PIEZO2: variants seen among roughly 807,000 people sequenced by gnomAD.
PIEZO2 encodes piezo-type mechanosensitive ion channel component 2.
A neutral mutation model predicts 337.3 loss-of-function variants in PIEZO2; 172 were observed. The observed-to-expected ratio is 0.51, with a 90% confidence interval of 0.45 to 0.58. PIEZO2 has a LOEUF of 0.58. Among genes scored for constraint, PIEZO2 ranks in the 20% least tolerant of loss-of-function variants. PIEZO2 has a pLI of 0.00. For synonymous variants in PIEZO2, 1,251 were observed against 1,228.5 expected (o/e 1.02, Z -0.38); for missense variants, 3,028 against 3,391.3 (o/e 0.89, Z 2.66).
At chr18:11,091,240 C>CGTGCA (rs773303989) in intron 1 of PIEZO2, among the ~76,000 whole-genome samples, 23 of 151,572 alleles carry the variant, frequency 1.5e-4, no homozygotes, top group Non-Finnish European at 2.4e-4. Flanking sequence ...AAAAATTAGC[C>CGTGCA]GTGCATGGTG....
At position 10,872,165 on chromosome 18, in the gene PIEZO2, A is replaced by G. The variant is rs977458236; in HGVS notation, c.330-750T>C. ...AATAATGTTCGTGAAAGTTCTTTGT[A>G]AAGAATGAAACACATATTTTCACTA... On this transcript the variant is annotated intron_variant, in intron 4 of 55. Coordinates refer to ENST00000674853, the MANE Select transcript of PIEZO2 (RefSeq NM_001378183.1). The surrounding 1 kb of genome is among the most constrained non-coding windows in gnomAD (Gnocchi z 4.3). 6.6e-6 allele frequency among the ~76,000 whole-genome samples: 1 copy of G among 152,264 alleles called. No individual in the cohort carries two copies. Among genetic ancestry groups the G allele is most frequent in the African/African-American group, 2.4e-5 (1 of 41,472 alleles).
In PIEZO2 at chr18:10,773,467, C is replaced by T; in HGVS notation, c.2730G>A (p.Glu910=). Residue 910 remains glutamate (E), a synonymous_variant, in exon 20 of 56, where the codon GAG becomes GAA. Transcript: ENST00000674853. This position sits in a 1 kb window ranked among gnomAD's most constrained non-coding sequence, Gnocchi z 5.3. ...QKGDLGKDSE[E]SEEDGEEEEE... is the part of the protein sequence containing the mutation. ...CCTCTTCCTCTCCGTCCTCCTCTGA[C>T]TCCTCGCTGTCTTTCCCAAGATCAC... 6.5e-7 allele frequency: 1 copy of T among 1,537,466 alleles called. No individual in the cohort carries two copies. The highest frequency in any genetic ancestry group is 8.7e-7 in the Non-Finnish European group (1 of 1,146,978).
chr18:10,990,165 T>C (rs936043435), intron 2 of PIEZO2, among the ~76,000 whole-genome samples: 1 of 152,130 alleles, frequency 6.6e-6, no homozygotes, highest in African/African-American at 2.4e-5. Context: ...TGAAAAAATA[T>C]TATGTTAAAA....
At chr18:11,144,056 A>C (rs2040744379) in intron 1 of PIEZO2, among the ~76,000 whole-genome samples, 1 of 152,214 alleles carries the variant, frequency 6.6e-6, no homozygotes, top group South Asian at 2.1e-4. Flanking sequence ...GAGTCTCTTA[A>C]ACTGCCCAGT....
intron 7 of PIEZO2, among the ~76,000 whole-genome samples, chr18:10,835,535 C>A (rs2040981444): frequency 6.6e-6 from 1 of 151,296 alleles, no homozygotes; most frequent in Non-Finnish European, 1.5e-5. Context: ...CAGTAAAACT[C>A]CTAACCAAGT....
At chr18:10,702,503 A>C (rs2035385899) in intron 42 of PIEZO2, among the ~76,000 whole-genome samples, 1 of 152,204 alleles carries the variant, frequency 6.6e-6, no homozygotes, top group African/African-American at 2.4e-5. Flanking sequence ...ATAATTACGC[A>C]GCTATTAAAT....
intron 5 of PIEZO2, among the ~76,000 whole-genome samples, chr18:10,857,910 G>T (rs115656924): frequency 6.6e-6 from 1 of 151,702 alleles, no homozygotes; most frequent in Non-Finnish European, 1.5e-5. Flanking sequence ...TTGCTTGTTC[G>T]TTTTGCGTTT....
chr18:10,677,578 T>G lies in PIEZO2; in HGVS notation c.8081+169A>C. On this transcript the variant is annotated intron_variant, in intron 53 of 55. Coordinates refer to ENST00000674853, the MANE Select transcript of PIEZO2 (RefSeq NM_001378183.1). The surrounding 1 kb of genome is among the most constrained non-coding windows in gnomAD (Gnocchi z 4.1). ...GACAGTGGACAGAAAACTCCATAGC[T>G]GAGATTAAGTTTCTTTAATCTTGCA... The G allele has an allele frequency of 1.4e-6, 1 of 730,892 alleles. No individual in the cohort carries two copies. The allele number at this position is 730,892 out of a possible 1,614,324, so 45.3% of individuals were successfully genotyped here.
rs142795284 is a variant in PIEZO2 at position 11,043,025 on chromosome 18, T to A, written c.160+23102A>T. Among the ~76,000 whole-genome samples the A allele has an allele frequency of 5.1e-4, 77 of 152,346 alleles. 1 individual carries two copies. The highest frequency in any genetic ancestry group is 3.1e-3 in the South Asian group (15 of 4,830). On this transcript the variant is annotated intron_variant, in intron 2 of 55. Coordinates refer to ENST00000674853, the MANE Select transcript of PIEZO2 (RefSeq NM_001378183.1). ...CCATAGAAAGGAGGGGTACTCCAGA[T>A]ACAAGTCTAATTGGCTAACCATAAT...
At position 10,979,595 on chromosome 18, in the gene PIEZO2, T is replaced by C; in HGVS notation, c.226A>G (p.Ile76Val). Residue 76 changes from isoleucine to valine, a missense_variant, in exon 3 of 56, where the codon ATT becomes GTT. Physicochemically the swap from Ile to Val is conservative, Grantham distance 29 (BLOSUM62 3). Around this residue, in one of 5 missense-constraint regions of PIEZO2, gnomAD observed 542 missense variants for 605.6 expected, o/e 0.89. Coordinates refer to ENST00000674853, the MANE Select transcript of PIEZO2 (RefSeq NM_001378183.1). The surrounding 1 kb of genome is among the most constrained non-coding windows in gnomAD (Gnocchi z 4.0). ...AGGCTCACCAACGTGATGTGGAAAA[T>C]GATGTGCAGCAACAGGAAGGAAAGA... ...ISLSFLLLHI[I>V]FHITLVSLEA... is the part of the protein sequence containing the mutation. The C allele has an allele frequency of 6.5e-7, 1 of 1,536,104 alleles. No individual in the cohort carries two copies. The highest frequency in any genetic ancestry group is 8.7e-7 in the Non-Finnish European group (1 of 1,146,100).
rs1422355337 is a variant in PIEZO2, at chr18:10,826,971, G to T, written c.918-19697C>A. On this transcript the variant is annotated intron_variant, in intron 7 of 55. Transcript: ENST00000674853. ...AATTATTCAGATGTAGCCTTCAAAG[G>T]TTGGATTTTTCACTTAGCAATATGC... Among the ~76,000 whole-genome samples, 7 of 152,146 alleles carry T rather than the reference G, an allele frequency of 4.6e-5. No homozygotes were observed. The East Asian group carries it at 1.2e-3, about 25-fold the overall frequency.
chr18:11,078,448 A>G lies in PIEZO2; in HGVS notation c.65-12226T>C, dbSNP rs1465592455. Among the ~76,000 whole-genome samples the G allele has an allele frequency of 6.6e-6, 1 of 152,188 alleles. No individual in the cohort carries two copies. The highest frequency in any genetic ancestry group is 1.9e-4 in the East Asian group (1 of 5,198). ...TCTCCAGCACATGATGCGACCCAAC[A>G]TTACATCTTAACAACTAATACAGCC... On this transcript the variant is annotated intron_variant, in intron 1 of 55. Coordinates refer to ENST00000674853, the MANE Select transcript of PIEZO2 (RefSeq NM_001378183.1). The surrounding 1 kb of genome is among the most constrained non-coding windows in gnomAD (Gnocchi z 5.3).
chr18:11,082,834 T>C (rs940750789), intron 1 of PIEZO2, among the ~76,000 whole-genome samples: 1 of 152,136 alleles, frequency 6.6e-6, no homozygotes, highest in African/African-American at 2.4e-5. Flanking sequence ...CGGTTTTCTT[T>C]AAAAAGTACA....
intron 2 of PIEZO2, among the ~76,000 whole-genome samples, chr18:11,050,192 CT>C (rs1301976303): frequency 6.6e-6 from 1 of 151,918 alleles, no homozygotes; most frequent in Non-Finnish European, 1.5e-5. Flanking sequence ...TTTAGCATTC[CT>C]TTTGGTGGTG....
intron 3 of PIEZO2, among the ~76,000 whole-genome samples, chr18:10,963,148 G>A (rs1181035863): frequency 4.6e-5 from 7 of 152,034 alleles, no homozygotes; most frequent in African/African-American, 1.4e-4. Flanking sequence ...AGCTGGGCAC[G>A]GTGGCATGCT....
In PIEZO2 at chr18:10,784,797, T is replaced by G. The variant is rs1309005031; in HGVS notation, c.2479A>C (p.Asn827His). 6.5e-7 allele frequency: 1 copy of G among 1,536,914 alleles called. No homozygotes were observed. The highest frequency in any genetic ancestry group is 8.7e-7 in the Non-Finnish European group (1 of 1,146,524). ...DLKSIPSKED[N>H]TIYSHAKVNG... is the part of the protein sequence containing the mutation. ...CCAGTGGCTCACCTGTAGATGGTGT[T>G]GTCTTCTTTGCTGGGAATGGACTTG... The change falls in exon 17 of 56, where the codon AAC becomes CAC. Residue 827 changes from asparagine (N) to histidine (H), a missense_variant. Physicochemically the swap from Asn to His is moderately conservative, Grantham distance 68. This residue lies in a region of PIEZO2 where 1,925 missense variants were observed against 2,051.9 expected (regional missense o/e 0.94). Transcript: ENST00000674853. The surrounding 1 kb of genome is among the most constrained non-coding windows in gnomAD (Gnocchi z 4.5).
At position 10,912,363 on chromosome 18, in the gene PIEZO2, T is replaced by C. The variant is rs149122107; in HGVS notation, c.287-1135A>G. Among the ~76,000 whole-genome samples, 656 of 152,340 alleles carry C rather than the reference T, an allele frequency of 4.3e-3. 9 individuals carry two copies. Among genetic ancestry groups the C allele is most frequent in the African/African-American group, 0.015 (615 of 41,598 alleles). On this transcript the variant is annotated intron_variant, in intron 3 of 55. Transcript: ENST00000674853. Reference sequence around the variant, plus strand: ...TTACATTTTCCTGATGCTTAGTCAATGGTAAACATATTCTGATTTCAGTAA... The same window carrying C: ...TTACATTTTCCTGATGCTTAGTCAACGGTAAACATATTCTGATTTCAGTAA...
chr18:11,066,024 A>G, intron 2 of PIEZO2, 103 bp downstream of exon 2: 1 of 887,382 alleles, frequency 1.1e-6, no homozygotes, highest in Non-Finnish European at 1.7e-6. Context: ...GCCCTGCTGC[A>G]TAGATAACAT....
chr18:11,058,271 A>G (rs1285300129), intron 2 of PIEZO2, among the ~76,000 whole-genome samples: 2 of 152,222 alleles, frequency 1.3e-5, no homozygotes, highest in Non-Finnish European at 2.9e-5. Flanking sequence ...ACTAACAAAC[A>G]GAAAGGACAT....
Sources: allele counts gnomAD v4.1 joint callset (sites outside exome capture counted in the v4.1 genomes callset), GRCh38; gene constraint gnomAD v4.1.1; regional missense constraint gnomAD v4.1.1; non-coding constraint Gnocchi (gnomAD v3.1); transcripts MANE v1.5; gene names NCBI Gene and HGNC (gene_info 2026-07-23, HGNC 2026-07-21).